The following NEB variants were observed in gnomAD, a reference collection of about 807,000 sequenced individuals.
NEB encodes nemaline myopathy type 2.
In NEB, 512 loss-of-function variants were observed where a neutral mutation model predicts 952.2. That is an observed-to-expected ratio of 0.54 (90% CI 0.50 to 0.58). NEB has a LOEUF of 0.58. Among genes scored for constraint, NEB ranks in the 20% least tolerant of loss-of-function variants. The pLI is 0.00. For synonymous variants in NEB, 2,900 were observed against 3,149.8 expected (o/e 0.92, Z 2.66); for missense variants, 8,428 against 9,231.1 (o/e 0.91, Z 3.56).
chr2:151,488,105 T>G (rs2052615624), intron 181 of NEB, among the ~76,000 whole-genome samples: 1 of 152,144 alleles, frequency 6.6e-6, no homozygotes, highest in African/African-American at 2.4e-5. Flanking sequence ...TTGCCATAAA[T>G]TATCTATTCT....
At chr2:151,680,572 G>T (rs536849721) in intron 30 of NEB, among the ~76,000 whole-genome samples, 158 bp downstream of exon 30, 1 of 152,240 alleles carries the variant, frequency 6.6e-6, no homozygotes, top group Non-Finnish European at 1.5e-5. Flanking sequence ...TATGAATTAG[G>T]CATGCTTTAT....
At chr2:151,576,406 G>A in intron 105 of NEB, 52 bp from the exon 106 acceptor site, 1 of 1,367,538 alleles carries the variant, frequency 7.3e-7, no homozygotes, top group Non-Finnish European at 9.9e-7. Flanking sequence ...TTGTGTATGT[G>A]TGTGGTAAAA....
intron 11 of NEB, 101 bp from the exon 12 acceptor site, chr2:151,709,864 C>A (rs1469325288): frequency 1.2e-6 from 1 of 842,428 alleles, no homozygotes; most frequent in Non-Finnish European, 1.9e-6. Context: ...ACAATGCCAC[C>A]CTGTCCTTGG....
In NEB at chr2:151,563,676, A is replaced by G; in HGVS notation, c.18623T>C (p.Leu6208Pro). ...ETYEKQKGHY[L>P]AGKVIGEFPG... ...GAATTCACCGATCACTTTTCCAGCCAGGTAGTGACCTTTCTGCTTCTCATA... is the reference window on the plus strand; with the variant it reads ...GAATTCACCGATCACTTTTCCAGCCGGGTAGTGACCTTTCTGCTTCTCATA... Residue 6208 changes from leucine to proline, a missense_variant, in exon 119 of 182, where the codon CTG becomes CCG. Physicochemically the swap from Leu to Pro is moderately conservative, Grantham distance 98. Coordinates refer to ENST00000397345, the MANE Select transcript of NEB (RefSeq NM_001164508.2). 6.2e-7 allele frequency: 1 copy of G among 1,613,888 alleles called. No individual in the cohort carries two copies. The highest frequency in any genetic ancestry group is 8.5e-7 in the Non-Finnish European group (1 of 1,179,788).
At position 151,633,786 on chromosome 2, in the gene NEB, C is replaced by T. The variant is rs936286320; in HGVS notation, c.9282G>A (p.Gly3094=). 6.2e-7 allele frequency: 1 copy of T among 1,613,890 alleles called. No individual in the cohort carries two copies. Among genetic ancestry groups the T allele is most frequent in the Non-Finnish European group, 8.5e-7 (1 of 1,179,870 alleles). ...TKFSSPVDML[G]VVLAKKCQTL... ...TCTGGCACTTCTTGGCCAGCACCAC[C>T]CCCAGCATGTCCACTGGGCTGCTGA... The change falls in exon 65 of 182, where the codon GGG becomes GGA. Residue 3094 remains glycine, a synonymous_variant. Transcript: ENST00000397345.
intron 109 of NEB, 58 bp from the exon 110 acceptor site, chr2:151,569,430 C>T (rs2096549530): frequency 2.3e-6 from 3 of 1,288,566 alleles, no homozygotes; most frequent in Non-Finnish European, 3.4e-6. Flanking sequence ...CCTAGTTAGC[C>T]TATCCATTGG....
intron 52 of NEB, 40 bp from the exon 53 acceptor site, chr2:151,650,925 G>A (rs769473157): frequency 6.6e-6 from 10 of 1,505,666 alleles, no homozygotes; most frequent in Non-Finnish European, 8.1e-6. Flanking sequence ...GTACACAAAG[G>A]CCAAGTTAAG....
chr2:151,555,378 A>T (rs992624943), intron 124 of NEB, among the ~76,000 whole-genome samples: 1 of 152,240 alleles, frequency 6.6e-6, no homozygotes, highest in Non-Finnish European at 1.5e-5. Flanking sequence ...TATGTAATTT[A>T]AAAATATTCT....
rs77698187 is a variant in NEB, at chr2:151,635,398, G to C, written c.9102+829C>G. 6.3e-3 allele frequency among the ~76,000 whole-genome samples: 959 copies of C among 152,184 alleles called. 2 individuals carry two copies. Among genetic ancestry groups the C allele is most frequent in the African/African-American group, 0.022 (906 of 41,512 alleles). Reference sequence around the variant, plus strand: ...GAAAAGGATGACAGTTTTGCTCTGGGAGACGTGCTAAATGGCTAGGAGCTA... The same window carrying C: ...GAAAAGGATGACAGTTTTGCTCTGGCAGACGTGCTAAATGGCTAGGAGCTA... On this transcript the variant is annotated intron_variant, in intron 64 of 181. Transcript: ENST00000397345.
chr2:151,528,336 A>G (rs923043216), intron 146 of NEB, among the ~76,000 whole-genome samples: 2 of 152,256 alleles, frequency 1.3e-5, no homozygotes, highest in African/African-American at 4.8e-5. Context: ...TAATTTATAC[A>G]CAATACAATG....
chr2:151,498,302 A>T lies in NEB; in HGVS notation c.24165T>A (p.Pro8055=). Reference sequence around the variant, plus strand: ...GATTGTGTTTGACTCTCTGCATCTCAGGAGTGATGGGGATTGGAATTCCTG... The same window carrying T: ...GATTGTGTTTGACTCTCTGCATCTCTGGAGTGATGGGGATTGGAATTCCTG... The part of the protein sequence containing the change: ...LGTGIPIPIT[P]EMQRVKHNQE... Residue 8055 remains proline (P), a synonymous_variant, in exon 170 of 182, where the codon CCT becomes CCA. Coordinates refer to ENST00000397345, the MANE Select transcript of NEB (RefSeq NM_001164508.2). 1 of 1,551,468 alleles carries T rather than the reference A, an allele frequency of 6.4e-7. No individual in the cohort carries two copies. The highest frequency in any genetic ancestry group is 8.7e-7 in the Non-Finnish European group (1 of 1,146,834).
At position 151,725,550 on chromosome 2, in the gene NEB, T is replaced by G; in HGVS notation, c.305A>C (p.Lys102Thr). 1 of 1,613,170 alleles carries G rather than the reference T, an allele frequency of 6.2e-7. No individual in the cohort carries two copies. ...TCCTTTTGTTTTCTCAAACTTCTCC[T>G]TGTATTTATTCTGAAAAGAATATCA... ...MQDLFSPNKY[K>T]EKFEKTKGQP... Residue 102 changes from lysine to threonine, a missense_variant, in exon 6 of 182, where the codon AAG (lysine) becomes ACG (threonine). Lys to Thr is a moderately conservative substitution (Grantham distance 78). This residue lies in a region of NEB where 2,851 missense variants were observed against 2,791.5 expected (regional missense o/e 1.02). Coordinates refer to ENST00000397345, the MANE Select transcript of NEB (RefSeq NM_001164508.2).
intron 10 of NEB, among the ~76,000 whole-genome samples, chr2:151,715,109 G>A (rs2099755580): frequency 6.6e-6 from 1 of 152,238 alleles, no homozygotes; most frequent in Non-Finnish European, 1.5e-5. Flanking sequence ...GGCAAAGCCA[G>A]TTCTGGCAAT....
chr2:151,561,586 T>C (rs1485331900), intron 121 of NEB, among the ~76,000 whole-genome samples: 5 of 151,424 alleles, frequency 3.3e-5, no homozygotes, highest in Admixed American at 2.0e-4. Context: ...TTTTTTTTTT[T>C]GGTTTCGAAC....
chr2:151,534,260 C>T lies in NEB; in HGVS notation c.21313-714G>A, dbSNP rs2153521425. ...CGGTCTTAGCCAGCAGATGTCTAGG[C>T]TCATCGACTACCAGGTGGTATTTAT... On this transcript the variant is annotated intron_variant, in intron 142 of 181. Coordinates refer to ENST00000397345, the MANE Select transcript of NEB (RefSeq NM_001164508.2). The T allele has an allele frequency of 6.2e-7, 1 of 1,613,774 alleles. No homozygotes were observed.
intron 158 of NEB, 94 bp downstream of exon 158, chr2:151,514,724 G>A (rs2076674014): frequency 1.1e-6 from 1 of 882,644 alleles, no homozygotes; most frequent in Non-Finnish European, 1.7e-6. Flanking sequence ...CCACAGTTAG[G>A]TGGTGATGTA....
intron 110 of NEB, 47 bp from the exon 111 acceptor site, chr2:151,568,763 G>C: frequency 7.5e-7 from 1 of 1,335,710 alleles, no homozygotes; most frequent in Non-Finnish European, 1.0e-6. Flanking sequence ...TCCTAGACAT[G>C]TGTGAACTGA....
chr2:151,718,104 T>G (rs1459429987), intron 9 of NEB, among the ~76,000 whole-genome samples: 1 of 152,114 alleles, frequency 6.6e-6, no homozygotes, highest in Non-Finnish European at 1.5e-5. Flanking sequence ...CTGCCTGCCT[T>G]GGCCTCCCAA....
intron 105 of NEB, among the ~76,000 whole-genome samples, chr2:151,577,542 C>T (rs1439917582): frequency 6.6e-6 from 1 of 152,140 alleles, no homozygotes; most frequent in Non-Finnish European, 1.5e-5. Context: ...ATCTAGGTCT[C>T]GGTTATCAAT....
Sources: gnomAD v4.1 joint callset for allele counts (sites outside exome capture counted in the v4.1 genomes callset) on GRCh38, gnomAD v4.1.1 for gene constraint, gnomAD v4.1.1 regional missense constraint, MANE v1.5 for transcripts, NCBI Gene and HGNC (gene_info 2026-07-23, HGNC 2026-07-21) for gene names.